The following MAGI3 variants were observed in gnomAD, a reference collection of about 807,000 sequenced individuals.
MAGI3 encodes the protein membrane-associated guanylate kinase, WW and PDZ domain-containing protein 3.
MAGI3 carries 43 observed loss-of-function variants against 121.8 expected under a neutral mutation model. That is an observed-to-expected ratio of 0.35 (90% CI 0.28 to 0.46). The LOEUF is 0.46. Ranked by LOEUF, MAGI3 falls within the 20% of genes least tolerant of loss-of-function variation. The probability of loss-of-function intolerance (pLI) is 1.00; values close to 1 mark genes in which losing one functional copy is unlikely to be tolerated. For missense variants in MAGI3, 1,547 were observed against 1,797.3 expected (o/e 0.86, Z 2.52); for synonymous variants, 553 against 639.3 (o/e 0.86, Z 2.04).
At chr1:113,674,802 A>G (rs893399324) in intron 19 of MAGI3, among the ~76,000 whole-genome samples, 6 of 152,216 alleles carry the variant, frequency 3.9e-5, no homozygotes, top group Admixed American at 2.0e-4. Context: ...CTCAAAACAA[A>G]TAAGATATTA....
chr1:113,643,746 C>T lies in MAGI3; in HGVS notation c.1970C>T (p.Pro657Leu), dbSNP rs776447798. 59 of 1,613,448 alleles carry T rather than the reference C, an allele frequency of 3.7e-5. No individual in the cohort carries two copies. The Middle Eastern group carries it at 4.9e-4, about 14-fold the overall frequency. ...DVPLLILRGGPPSPTKTAKMK... is the reference protein window; with the variant it reads ...DVPLLILRGGLPSPTKTAKMK... ...TTTGGTTCATTTTTTTTTTAAGGTC[C>T]TCCTTCACCAACCAAAACTGCCAAA... Residue 657 changes from proline (P) to leucine (L), a missense_variant, in exon 11 of 21, where the codon CCT (proline) becomes CTT (leucine). Transcript: ENST00000307546.
intron 1 of MAGI3, among the ~76,000 whole-genome samples, chr1:113,493,532 T>G (rs1656765718): frequency 6.6e-6 from 1 of 152,096 alleles, no homozygotes; most frequent in South Asian, 2.1e-4. Flanking sequence ...ACAAATGGGA[T>G]CTAATTAAAC....
At chr1:113,570,949 A>G (rs1647264508) in intron 2 of MAGI3, among the ~76,000 whole-genome samples, 1 of 152,154 alleles carries the variant, frequency 6.6e-6, no homozygotes, top group African/African-American at 2.4e-5. Context: ...TTGGTGTTTT[A>G]GTCATGAAGT....
intron 1 of MAGI3, among the ~76,000 whole-genome samples, chr1:113,539,415 C>A (rs574017487): frequency 1.1e-3 from 167 of 150,908 alleles, no homozygotes; most frequent in African/African-American, 3.4e-3. Flanking sequence ...AAAGAAAAAG[C>A]AAAAAGTTTA....
chr1:113,392,768 T>G (rs1048633822), intron 1 of MAGI3, among the ~76,000 whole-genome samples: 3 of 152,192 alleles, frequency 2.0e-5, no homozygotes, highest in Admixed American at 1.3e-4. Context: ...ATTTGTAAAT[T>G]TTTTTCTTAA....
chr1:113,416,203 A>G (rs1346117450), intron 1 of MAGI3, among the ~76,000 whole-genome samples: 1 of 118,274 alleles, frequency 8.5e-6, no homozygotes, highest in African/African-American at 2.8e-5. Flanking sequence ...GTAATTAATG[A>G]CACATATTAT....
intron 1 of MAGI3, among the ~76,000 whole-genome samples, chr1:113,466,364 A>G (rs1199470683): frequency 1.3e-5 from 2 of 151,992 alleles, no homozygotes; most frequent in Non-Finnish European, 2.9e-5. Flanking sequence ...TGATCTTTTT[A>G]ATGTGCTGGT....
At chr1:113,566,503 A>G (rs1660438521) in intron 2 of MAGI3, among the ~76,000 whole-genome samples, 1 of 152,230 alleles carries the variant, frequency 6.6e-6, no homozygotes, top group Non-Finnish European at 1.5e-5. Context: ...AGCAGAATAT[A>G]CACTCTTATC....
At chr1:113,527,772 A>G (rs938566777) in intron 1 of MAGI3, among the ~76,000 whole-genome samples, 4 of 152,244 alleles carry the variant, frequency 2.6e-5, no homozygotes, top group Admixed American at 6.5e-5. Context: ...CAGAATAGCA[A>G]AGAATGAGTT....
intron 1 of MAGI3, among the ~76,000 whole-genome samples, chr1:113,491,599 A>G (rs1185168353): frequency 6.6e-6 from 1 of 152,138 alleles, no homozygotes; most frequent in Non-Finnish European, 1.5e-5. Flanking sequence ...TGGTTTTTTG[A>G]AGAAATTAAT....
At chr1:113,615,265 C>A (rs1244692371) in intron 7 of MAGI3, among the ~76,000 whole-genome samples, 2 of 152,058 alleles carry the variant, frequency 1.3e-5, no homozygotes, top group Admixed American at 1.3e-4. Context: ...TCTAATTTTG[C>A]CTTCTCTTTT....
intron 1 of MAGI3, among the ~76,000 whole-genome samples, chr1:113,510,317 A>C (rs904823454): frequency 2.6e-5 from 4 of 151,966 alleles, no homozygotes; most frequent in African/African-American, 9.7e-5. Flanking sequence ...CATTTAAGAT[A>C]AACAGAAGTG....
At chr1:113,681,535 G>A (rs191696829) in intron 20 of MAGI3, among the ~76,000 whole-genome samples, 199 bp downstream of exon 20, 1 of 152,258 alleles carries the variant, frequency 6.6e-6, no homozygotes, top group Admixed American at 6.5e-5. Flanking sequence ...GACTTTCGTT[G>A]GAATGGAATG....
chr1:113,628,225 A>G (rs1445827736), intron 9 of MAGI3, among the ~76,000 whole-genome samples: 1 of 152,140 alleles, frequency 6.6e-6, no homozygotes, highest in Non-Finnish European at 1.5e-5. Context: ...AGAAAATACT[A>G]TATTATAACT....
At position 113,549,612 on chromosome 1, in the gene MAGI3, C is replaced by T; in HGVS notation, c.414C>T (p.Leu138=). The T allele has an allele frequency of 6.3e-7, 1 of 1,590,992 alleles. No homozygotes were observed. Among genetic ancestry groups the T allele is most frequent in the East Asian group, 2.2e-5 (1 of 44,626 alleles). ...HKLQQVIRDN[L]YLRTIPCTTR... Reference sequence around the variant, plus strand: ...TGCAGCAAGTGATCAGAGATAATCTCTACTTGAGAACCATTCCATGTAAGT... The same window carrying T: ...TGCAGCAAGTGATCAGAGATAATCTTTACTTGAGAACCATTCCATGTAAGT... Residue 138 remains leucine (L), a synonymous_variant, in exon 2 of 21, where the codon CTC becomes CTT. Coordinates refer to ENST00000307546, the MANE Select transcript of MAGI3 (RefSeq NM_001142782.2).
intron 1 of MAGI3, among the ~76,000 whole-genome samples, chr1:113,494,866 T>G (rs1232689813): frequency 7.2e-5 from 11 of 152,230 alleles, no homozygotes; most frequent in Admixed American, 7.2e-4. Flanking sequence ...AATACTGATT[T>G]GAACTAGCTA....
Position 113,592,885 on chromosome 1 carries a change from G to A in MAGI3, c.939-1596G>A, listed in dbSNP as rs546694181. On this transcript the variant is annotated intron_variant, in intron 5 of 20. Coordinates refer to ENST00000307546, the MANE Select transcript of MAGI3 (RefSeq NM_001142782.2). ...AACTTAGCTGGGCACGGTGGCGGGC[G>A]CCTGTAGTCCCAGCTACTCGGGAGG... Among the ~76,000 whole-genome samples, 14 of 152,142 alleles carry A rather than the reference G, an allele frequency of 9.2e-5. No homozygotes were observed. The South Asian group carries it at 1.5e-3, about 16-fold the overall frequency.
chr1:113,402,575 G>A (rs1651464436), intron 1 of MAGI3, among the ~76,000 whole-genome samples: 1 of 151,886 alleles, frequency 6.6e-6, no homozygotes, highest in African/African-American at 2.4e-5. Flanking sequence ...CTCTCTGTGG[G>A]GCTGATGCTA....
In MAGI3 at chr1:113,525,270, T is replaced by G. The variant is rs138592331; in HGVS notation, c.317-24245T>G. 5.3e-3 allele frequency among the ~76,000 whole-genome samples: 801 copies of G among 152,276 alleles called. 6 individuals carry two copies. The highest frequency in any genetic ancestry group is 0.01 in the Non-Finnish European group (690 of 68,022). On this transcript the variant is annotated intron_variant, in intron 1 of 20. Transcript: ENST00000307546. ...CTTTTTCCTTTTTTTATTCTTTCTC[T>G]CTCTGTTTAAAAACGTCTAGGAACT...
Sources: gnomAD v4.1 joint callset for allele counts (sites outside exome capture counted in the v4.1 genomes callset) on GRCh38, gnomAD v4.1.1 for gene constraint, MANE v1.5 for transcripts, NCBI Gene and HGNC (gene_info 2026-07-23, HGNC 2026-07-21) for gene names.